Variants in OSBPL9 observed in about 807,000 individuals in gnomAD.
The protein encoded by OSBPL9 is oxysterol binding protein like 9.
OSBPL9 carries 40 observed loss-of-function variants against 106.6 expected under a neutral mutation model. The observed-to-expected ratio is 0.38, with a 90% confidence interval of 0.29 to 0.49. The LOEUF (loss-of-function observed/expected upper bound fraction) is 0.49, where lower values mean the gene tolerates loss of function less well. Among genes scored for constraint, OSBPL9 ranks in the 20% least tolerant of loss-of-function variants. The pLI is 0.97. For synonymous variants in OSBPL9, 269 were observed against 295.4 expected (o/e 0.91, Z 0.92); for missense variants, 609 against 887.2 (o/e 0.69, Z 3.98).
chr1:51,771,299 A>C (rs752185445), intron 12 of OSBPL9, among the ~76,000 whole-genome samples: 8 of 152,194 alleles, frequency 5.3e-5, no homozygotes, highest in Non-Finnish European at 8.8e-5. Flanking sequence ...ACATTTAATA[A>C]GTAAATTGTG....
At chr1:51,757,669 A>G (rs1670627961) in intron 9 of OSBPL9, among the ~76,000 whole-genome samples, 1 of 152,128 alleles carries the variant, frequency 6.6e-6, no homozygotes, top group East Asian at 1.9e-4. Flanking sequence ...ACTAGAGCAT[A>G]TTTTCCTTAA....
the OSBPL9 span, among the ~76,000 whole-genome samples, chr1:51,547,840 G>T: frequency 6.6e-5 from 10 of 151,776 alleles, no homozygotes; most frequent in East Asian, 1.9e-3. Flanking sequence ...GACAGAGTGA[G>T]ATCCTATCTC....
At chr1:51,714,394 A>G (rs1660658784) in intron 4 of OSBPL9, among the ~76,000 whole-genome samples, 1 of 152,188 alleles carries the variant, frequency 6.6e-6, no homozygotes, top group Non-Finnish European at 1.5e-5. Context: ...AATACAACCA[A>G]ATTACATAAT....
chr1:51,645,597 G>C (rs1646105843), intron 1 of OSBPL9, among the ~76,000 whole-genome samples: 1 of 152,024 alleles, frequency 6.6e-6, no homozygotes, highest in Non-Finnish European at 1.5e-5. Context: ...TCCTGCCTTA[G>C]TGTGATAGTG....
intron 13 of OSBPL9, 21 bp from the exon 14 acceptor site, chr1:51,772,584 A>G: frequency 6.3e-7 from 1 of 1,578,062 alleles, no homozygotes; most frequent in Non-Finnish European, 8.7e-7. Flanking sequence ...CACCATTCTA[A>G]TAAGATCTGC....
At chr1:51,674,251 A>C (rs1315809036) in intron 3 of OSBPL9, among the ~76,000 whole-genome samples, 1 of 151,734 alleles carries the variant, frequency 6.6e-6, no homozygotes, top group Non-Finnish European at 1.5e-5. Flanking sequence ...TTTTAATAAA[A>C]AATTTTTATT....
Position 51,729,744 on chromosome 1 carries a change from C to A in OSBPL9, c.318+15665C>A. ...GGCCAATCGCCAGGGGTCTCTTTGCCAGGAGCCGCCAGGGCCAGCCAATCG... is the reference window on the plus strand; with the variant it reads ...GGCCAATCGCCAGGGGTCTCTTTGCAAGGAGCCGCCAGGGCCAGCCAATCG... On this transcript the variant is annotated intron_variant, in intron 4 of 23. Coordinates refer to ENST00000428468, the MANE Select transcript of OSBPL9 (RefSeq NM_024586.6). The surrounding 1 kb of genome is among the most constrained non-coding windows in gnomAD (Gnocchi z 5.1). 1 of 1,092,228 alleles carries A rather than the reference C, an allele frequency of 9.2e-7. No homozygotes were observed. The highest frequency in any genetic ancestry group is 1.2e-6 in the Non-Finnish European group (1 of 857,858). 67.7% of individuals were successfully genotyped at this position (1,092,228 alleles called of 1,614,324 possible). A position where few individuals can be genotyped will look rare whatever the true frequency, so the allele number is the denominator to read the frequency against.
At chr1:51,564,282 A>G in the OSBPL9 span, among the ~76,000 whole-genome samples, 2 of 151,932 alleles carry the variant, frequency 1.3e-5, no homozygotes, top group East Asian at 3.9e-4. Context: ...TATCATTTTG[A>G]CCTTGAGTTC....
the OSBPL9 span, among the ~76,000 whole-genome samples, chr1:51,526,904 C>T: frequency 5.9e-5 from 9 of 152,038 alleles, no homozygotes; most frequent in African/African-American, 2.2e-4. Context: ...GCCACCACAC[C>T]TGGCTAATTT....
At chr1:51,656,753 G>C (rs1646843689) in intron 2 of OSBPL9, among the ~76,000 whole-genome samples, 1 of 151,130 alleles carries the variant, frequency 6.6e-6, no homozygotes, top group African/African-American at 2.4e-5. Context: ...CCAAATTCCT[G>C]GCCTCAAGCA....
chr1:51,671,611 G>T (rs1033438680), intron 3 of OSBPL9, among the ~76,000 whole-genome samples: 5 of 152,044 alleles, frequency 3.3e-5, no homozygotes, highest in Non-Finnish European at 4.4e-5. Context: ...AAGGAGAAAG[G>T]TAATCAACAC....
At chr1:51,778,449 T>C (rs1675561125) in intron 15 of OSBPL9, among the ~76,000 whole-genome samples, 1 of 152,142 alleles carries the variant, frequency 6.6e-6, no homozygotes, top group Non-Finnish European at 1.5e-5. Flanking sequence ...TGAGATACTA[T>C]GCAAAACACT....
Position 51,789,154 on chromosome 1 carries a change from A to AGT in OSBPL9, c.*1366_*1367dup. On this transcript the variant is annotated 3_prime_UTR_variant, in exon 24 of 24. Transcript: ENST00000428468. ...AAAACTTCAATGGAAGCCCTAAGGC[A>AGT]GTAGTATAACTAACTCCATAAAATA... 7.8e-7 allele frequency: 1 copy of AGT among 1,283,088 alleles called. No homozygotes were observed. The highest frequency in any genetic ancestry group is 2.3e-5 in the East Asian group (1 of 42,976). The allele number at this position is 1,283,088 out of a possible 1,614,324, so 79.5% of individuals were successfully genotyped here.
intron 3 of OSBPL9, among the ~76,000 whole-genome samples, chr1:51,679,592 C>T (rs1652058953): frequency 6.6e-6 from 1 of 152,156 alleles, no homozygotes; most frequent in African/African-American, 2.4e-5. Flanking sequence ...TAGAAAACTC[C>T]AGAAATAAAC....
At chr1:51,785,727 C>G (rs1557878338) in intron 20 of OSBPL9, 81 bp from the exon 21 acceptor site, 1 of 1,206,764 alleles carries the variant, frequency 8.3e-7, no homozygotes, top group East Asian at 2.3e-5. Context: ...GTGCTCTACT[C>G]TGTAGTTGGG....
intron 6 of OSBPL9, among the ~76,000 whole-genome samples, chr1:51,748,041 G>A (rs576552605): frequency 9.2e-5 from 14 of 152,118 alleles, no homozygotes; most frequent in African/African-American, 1.9e-4. Flanking sequence ...CGCCCACCTC[G>A]GCCTCCCAAA....
chr1:51,533,900 GTTA>G, the OSBPL9 span, among the ~76,000 whole-genome samples: 5 of 146,680 alleles, frequency 3.4e-5, no homozygotes, highest in East Asian at 9.9e-4. Flanking sequence ...GGGGTTAGAG[GTTA>G]TTATTCTAAA....
intron 3 of OSBPL9, among the ~76,000 whole-genome samples, chr1:51,679,752 G>A (rs561302432): frequency 3.5e-4 from 53 of 152,272 alleles, no homozygotes; most frequent in African/African-American, 1.3e-3. Flanking sequence ...CTGTTGCAGT[G>A]TACTGCAATG....
the OSBPL9 span, among the ~76,000 whole-genome samples, chr1:51,560,454 G>A: frequency 6.6e-6 from 1 of 152,210 alleles, no homozygotes; most frequent in South Asian, 2.1e-4. Context: ...ATTTGGGGAG[G>A]TAATGTAGGT....
Sources: gnomAD v4.1 joint callset for allele counts (sites outside exome capture counted in the v4.1 genomes callset) on GRCh38, gnomAD v4.1.1 for gene constraint, Gnocchi (gnomAD v3.1) non-coding constraint, MANE v1.5 for transcripts, NCBI Gene and HGNC (gene_info 2026-07-23, HGNC 2026-07-21) for gene names.